The following IQCM variants were observed in gnomAD, a reference collection of about 807,000 sequenced individuals.
IQCM encodes IQ motif containing M.
A neutral mutation model predicts 57.6 loss-of-function variants in IQCM; 45 were observed. That is an observed-to-expected ratio of 0.78 (90% CI 0.62 to 1.00). IQCM has a LOEUF of 1.00. Among genes scored for constraint, IQCM ranks in the 50% least tolerant of loss-of-function variants. IQCM has a pLI of 0.00. For synonymous variants in IQCM, 148 were observed against 158.9 expected (o/e 0.93, Z 0.51); for missense variants, 468 against 511.6 (o/e 0.91, Z 0.82).
At chr4:149,418,470 C>T (rs1733907294) in intron 13 of IQCM, among the ~76,000 whole-genome samples, 2 of 151,916 alleles carry the variant, frequency 1.3e-5, no homozygotes, top group African/African-American at 4.8e-5. Flanking sequence ...GGAAAAAACA[C>T]GCAGGACCAG....
At chr4:149,385,318 G>A (rs1325574263) in intron 13 of IQCM, among the ~76,000 whole-genome samples, 2 of 151,984 alleles carry the variant, frequency 1.3e-5, no homozygotes, top group Admixed American at 1.3e-4. Context: ...GCCGAAAAAC[G>A]AGTACAAGGA....
rs562593828 is a variant in IQCM at position 149,584,971 on chromosome 4, C to T, written c.749+2959G>A. ...CTTCCCCACTCCCACCTTTTAACAG[C>T]CAAGTGACTGCCTCTTTTAAAAAAA... On this transcript the variant is annotated intron_variant, in intron 9 of 13. Coordinates refer to ENST00000636793, the MANE Select transcript of IQCM (RefSeq NM_001363507.2). Among the ~76,000 whole-genome samples the T allele has an allele frequency of 2.0e-5, 3 of 151,816 alleles. No homozygotes were observed. The South Asian group carries it at 6.2e-4, about 31-fold the overall frequency.
chr4:149,563,306 AG>A (rs1750306518), intron 10 of IQCM, among the ~76,000 whole-genome samples: 1 of 152,198 alleles, frequency 6.6e-6, no homozygotes, highest in African/African-American at 2.4e-5. Flanking sequence ...GTTTAAGAAT[AG>A]GTGGTCCCAG....
intron 13 of IQCM, among the ~76,000 whole-genome samples, chr4:149,429,139 C>A (rs1734649179): frequency 6.6e-6 from 1 of 151,820 alleles, no homozygotes; most frequent in Non-Finnish European, 1.5e-5. Flanking sequence ...TAATCTACAG[C>A]TTCAAGGTTA....
rs539359826 is a variant in IQCM at position 149,765,309 on chromosome 4, T to C, written c.-48-22570A>G. Among the ~76,000 whole-genome samples the C allele has an allele frequency of 2.0e-5, 3 of 152,156 alleles. No homozygotes were observed. In the East Asian group the frequency reaches 5.8e-4, roughly 29 times the overall value. Reference sequence around the variant, plus strand: ...AGTATGAGACAGACATTGGCCAAGATAAAAATATGTGTGAGAATATTAGAA... The same window carrying C: ...AGTATGAGACAGACATTGGCCAAGACAAAAATATGTGTGAGAATATTAGAA... On this transcript the variant is annotated intron_variant, in intron 2 of 13. Coordinates refer to ENST00000636793, the MANE Select transcript of IQCM (RefSeq NM_001363507.2).
At chr4:149,498,277 A>G (rs1742876834) in intron 12 of IQCM, among the ~76,000 whole-genome samples, 1 of 152,150 alleles carries the variant, frequency 6.6e-6, no homozygotes, top group African/African-American at 2.4e-5. Flanking sequence ...AAGGAGACCA[A>G]CATTTTATTT....
At chr4:149,718,704 A>G (rs1765199462) in intron 5 of IQCM, among the ~76,000 whole-genome samples, 2 of 152,148 alleles carry the variant, frequency 1.3e-5, no homozygotes, top group Admixed American at 6.5e-5. Flanking sequence ...GCCTCTAGGG[A>G]CAAATCCATC....
At chr4:149,442,272 C>T (rs1035106465) in intron 12 of IQCM, among the ~76,000 whole-genome samples, 7 of 152,044 alleles carry the variant, frequency 4.6e-5, no homozygotes, top group African/African-American at 1.7e-4. Flanking sequence ...GCTTTCCTGA[C>T]AGTGAATCTT....
chr4:149,446,493 T>C (rs1203936702), intron 12 of IQCM, among the ~76,000 whole-genome samples: 1 of 151,656 alleles, frequency 6.6e-6, no homozygotes, highest in Admixed American at 6.6e-5. Context: ...CAAAGTGTCC[T>C]TTTTCTGGAG....
intron 5 of IQCM, among the ~76,000 whole-genome samples, chr4:149,712,460 C>T (rs541991924): frequency 6.6e-6 from 1 of 152,216 alleles, no homozygotes; most frequent in African/African-American, 2.4e-5. Flanking sequence ...GTTTGAAAAA[C>T]CACCTGGCTT....
intron 9 of IQCM, among the ~76,000 whole-genome samples, chr4:149,579,799 A>G (rs1162905081): frequency 2.0e-5 from 3 of 151,868 alleles, no homozygotes; most frequent in Non-Finnish European, 2.9e-5. Context: ...TAGCATTTTC[A>G]GGAGATGCAG....
chr4:149,759,395 A>G (rs1025019206), intron 2 of IQCM, among the ~76,000 whole-genome samples: 6 of 152,186 alleles, frequency 3.9e-5, no homozygotes, highest in Admixed American at 1.3e-4. Flanking sequence ...CCCTCATGTA[A>G]ACTATGGGTG....
intron 9 of IQCM, among the ~76,000 whole-genome samples, chr4:149,585,053 A>G (rs964860869): frequency 6.6e-6 from 1 of 151,774 alleles, no homozygotes; most frequent in Non-Finnish European, 1.5e-5. Context: ...GGGTTCCCGC[A>G]AAGCTTGTGG....
At chr4:149,394,505 A>G (rs1476468994) in intron 13 of IQCM, among the ~76,000 whole-genome samples, 2 of 151,962 alleles carry the variant, frequency 1.3e-5, no homozygotes, top group African/African-American at 4.8e-5. Context: ...CGCCTAATTT[A>G]TGTACCTCCT....
intron 2 of IQCM, among the ~76,000 whole-genome samples, chr4:149,781,893 C>T (rs1238940942): frequency 6.6e-6 from 1 of 152,116 alleles, no homozygotes; most frequent in Non-Finnish European, 1.5e-5. Context: ...AGCATAAAAA[C>T]CTGCTAGGGG....
At chr4:149,716,145 A>G (rs1764974929) in intron 5 of IQCM, among the ~76,000 whole-genome samples, 1 of 152,042 alleles carries the variant, frequency 6.6e-6, no homozygotes, top group Non-Finnish European at 1.5e-5. Flanking sequence ...CCTGCCATCT[A>G]CAGCACCCAC....
intron 8 of IQCM, among the ~76,000 whole-genome samples, chr4:149,588,361 T>C (rs1349411493): frequency 6.6e-6 from 1 of 151,824 alleles, no homozygotes; most frequent in Non-Finnish European, 1.5e-5. Flanking sequence ...GGAAATAAAA[T>C]CCAGTGAAGG....
intron 12 of IQCM, among the ~76,000 whole-genome samples, chr4:149,489,789 A>G (rs1257406761): frequency 4.6e-5 from 7 of 151,584 alleles, no homozygotes; most frequent in African/African-American, 7.3e-5. Context: ...ATATATATAC[A>G]CACACACATA....
intron 5 of IQCM, among the ~76,000 whole-genome samples, chr4:149,697,767 T>C (rs1293385977): frequency 1.3e-5 from 2 of 152,136 alleles, no homozygotes; most frequent in Non-Finnish European, 2.9e-5. Flanking sequence ...ATTTTGCCTA[T>C]CTACTGCCAG....
Sources: allele counts gnomAD v4.1 joint callset (sites outside exome capture counted in the v4.1 genomes callset), GRCh38; gene constraint gnomAD v4.1.1; transcripts MANE v1.5; gene names NCBI Gene and HGNC (gene_info 2026-07-23, HGNC 2026-07-21).